The following SLC9A9 variants were observed in gnomAD, a reference collection of about 807,000 sequenced individuals.
The protein encoded by SLC9A9 is sodium/hydrogen exchanger 9.
Under a neutral mutation model 77.8 loss-of-function variants are expected in SLC9A9, and 62 were observed. The ratio of observed to expected loss-of-function variants is 0.80; its 90% CI spans 0.65 to 0.98. SLC9A9 has a LOEUF of 0.98. Ranked by LOEUF, SLC9A9 falls within the 50% of genes least tolerant of loss-of-function variation. The pLI is 0.00. For synonymous variants in SLC9A9, 320 were observed against 283.5 expected, an observed-to-expected ratio of 1.13 and a Z score of -1.29; for missense variants, 775 against 774.9, an observed-to-expected ratio of 1.00 and a Z score of 0.00.
intron 7 of SLC9A9, among the ~76,000 whole-genome samples, chr3:143,577,237 A>G (rs779560052): frequency 2.0e-5 from 3 of 152,106 alleles, no homozygotes; most frequent in Non-Finnish European, 4.4e-5. Context: ...AGCTGACTCC[A>G]TCCCTCCTGA....
At chr3:143,507,191 T>C (rs1268129292) in intron 9 of SLC9A9, among the ~76,000 whole-genome samples, 3 of 151,622 alleles carry the variant, frequency 2.0e-5, no homozygotes, top group Admixed American at 6.6e-5. Context: ...CTCTCATTAT[T>C]ATTATCATTA....
At chr3:143,550,624 A>G (rs571136302) in intron 9 of SLC9A9, among the ~76,000 whole-genome samples, 1 of 152,308 alleles carries the variant, frequency 6.6e-6, no homozygotes, top group South Asian at 2.1e-4. Flanking sequence ...TTTAGAATAG[A>G]GCCCCCCAAA....
At chr3:143,376,053 TC>T (rs1376726966) in intron 13 of SLC9A9, among the ~76,000 whole-genome samples, 1 of 152,098 alleles carries the variant, frequency 6.6e-6, no homozygotes, top group Non-Finnish European at 1.5e-5. Context: ...GACCCTCTCC[TC>T]CTGGGAGACA....
At chr3:143,551,497 C>A (rs1376037304) in intron 9 of SLC9A9, among the ~76,000 whole-genome samples, 1 of 152,186 alleles carries the variant, frequency 6.6e-6, no homozygotes, top group Non-Finnish European at 1.5e-5. Flanking sequence ...TCATGCTGAT[C>A]CCTTGGCCTC....
At chr3:143,491,614 C>T (rs950858586) in intron 11 of SLC9A9, among the ~76,000 whole-genome samples, 29 of 152,256 alleles carry the variant, frequency 1.9e-4, no homozygotes, top group Admixed American at 1.5e-3. Flanking sequence ...CAGGTTTTAA[C>T]GCAGCTCCAA....
At chr3:143,443,031 T>C (rs1197337048) in intron 12 of SLC9A9, among the ~76,000 whole-genome samples, 2 of 152,164 alleles carry the variant, frequency 1.3e-5, no homozygotes, top group East Asian at 3.9e-4. Flanking sequence ...AAAGTATGAC[T>C]AAGGACTCCA....
intron 2 of SLC9A9, among the ~76,000 whole-genome samples, chr3:143,822,359 G>A (rs947720106): frequency 3.3e-5 from 5 of 152,162 alleles, no homozygotes; most frequent in African/African-American, 1.2e-4. Context: ...AAGACCACTC[G>A]AATTTGCAGG....
At chr3:143,694,248 T>C (rs1239648308) in intron 4 of SLC9A9, among the ~76,000 whole-genome samples, 2 of 152,138 alleles carry the variant, frequency 1.3e-5, no homozygotes, top group African/African-American at 2.4e-5. Context: ...AGAATGCAGA[T>C]ATTTTAAATT....
At chr3:143,733,635 G>A (rs1344704210) in intron 4 of SLC9A9, among the ~76,000 whole-genome samples, 2 of 152,066 alleles carry the variant, frequency 1.3e-5, no homozygotes, top group Non-Finnish European at 2.9e-5. Flanking sequence ...ACCCTGGTGT[G>A]ACTCCTGGTA....
intron 2 of SLC9A9, among the ~76,000 whole-genome samples, chr3:143,800,463 G>C (rs547263294): frequency 1.8e-4 from 28 of 152,236 alleles, no homozygotes; most frequent in South Asian, 1.7e-3. Flanking sequence ...TATCCACCCC[G>C]TGGTGCCAAA....
intron 5 of SLC9A9, among the ~76,000 whole-genome samples, chr3:143,656,099 G>A (rs1215587144): frequency 6.6e-6 from 1 of 152,174 alleles, no homozygotes; most frequent in South Asian, 2.1e-4. Flanking sequence ...AAGATCATCT[G>A]CTGAGAGTCA....
intron 1 of SLC9A9, among the ~76,000 whole-genome samples, chr3:143,842,808 T>C (rs1439114155): frequency 6.6e-6 from 1 of 152,192 alleles, no homozygotes; most frequent in South Asian, 2.1e-4. Flanking sequence ...ACTAAAATCT[T>C]GTCTGAGAGA....
At chr3:143,272,220 G>A (rs551328925) in intron 14 of SLC9A9, among the ~76,000 whole-genome samples, 47 of 152,156 alleles carry the variant, frequency 3.1e-4, no homozygotes, top group Middle Eastern at 3.2e-3. Flanking sequence ...ACACTCACAG[G>A]TTTTTGTTTC....
chr3:143,743,901 C>T (rs1271893878), intron 4 of SLC9A9, among the ~76,000 whole-genome samples: 2 of 152,132 alleles, frequency 1.3e-5, no homozygotes, highest in East Asian at 3.8e-4. Flanking sequence ...TTCTGCTGCA[C>T]AATTCTTTGG....
At chr3:143,631,204 C>G (rs1472510676) in intron 6 of SLC9A9, among the ~76,000 whole-genome samples, 1 of 152,114 alleles carries the variant, frequency 6.6e-6, no homozygotes, top group East Asian at 1.9e-4. Flanking sequence ...GGCCAAGTGC[C>G]TTGCATAAAT....
chr3:143,802,249 T>C (rs1447922833), intron 2 of SLC9A9, among the ~76,000 whole-genome samples: 1 of 152,130 alleles, frequency 6.6e-6, no homozygotes, highest in Non-Finnish European at 1.5e-5. Context: ...TTTCATAACC[T>C]CTTCCATGTA....
intron 6 of SLC9A9, among the ~76,000 whole-genome samples, chr3:143,598,498 C>T (rs2037795096): frequency 6.6e-6 from 1 of 152,184 alleles, no homozygotes; most frequent in Non-Finnish European, 1.5e-5. Flanking sequence ...CAATTTCTAC[C>T]CAGTTTTCTC....
chr3:143,807,556 C>A (rs2008754193), intron 2 of SLC9A9, among the ~76,000 whole-genome samples: 2 of 152,090 alleles, frequency 1.3e-5, no homozygotes. Context: ...CAGAGCCAAG[C>A]TTCCTGGGTT....
intron 12 of SLC9A9, among the ~76,000 whole-genome samples, chr3:143,420,038 C>T (rs948921089): frequency 1.3e-5 from 2 of 152,158 alleles, no homozygotes; most frequent in Non-Finnish European, 2.9e-5. Flanking sequence ...TGGGACATGG[C>T]CAGAGTTCCA....
Sources: allele counts gnomAD v4.1 joint callset (sites outside exome capture counted in the v4.1 genomes callset), GRCh38; gene constraint gnomAD v4.1.1; transcripts MANE v1.5; gene names NCBI Gene and HGNC (gene_info 2026-07-23, HGNC 2026-07-21).